The following HAGH variants were observed in gnomAD, a reference collection of about 807,000 sequenced individuals.
The protein encoded by HAGH is hydroxyacylglutathione hydrolase.
In HAGH, 29 loss-of-function variants were observed where a neutral mutation model predicts 35.1. That is an observed-to-expected ratio of 0.83 (90% CI 0.62 to 1.13). The LOEUF (loss-of-function observed/expected upper bound fraction) is 1.13, where lower values mean the gene tolerates loss of function less well. Among genes scored for constraint, HAGH ranks in the 50% most tolerant of loss-of-function variants. The probability of loss-of-function intolerance (pLI) is 0.00; values close to 1 mark genes in which losing one functional copy is unlikely to be tolerated. For synonymous variants in HAGH, 225 were observed against 176.1 expected (o/e 1.28, Z -2.20); for missense variants, 478 against 419.6 (o/e 1.14, Z -1.22).
rs777419294 is a variant in HAGH, at chr16:1,809,774, G to A, written c.807C>T (p.Tyr269=). ...CTCACCTCACTCTCATGAAGGGGTT[G>A]TAGGTAAACTCCTCTGCCAGGGTGG... The part of the protein sequence containing the change: ...VPSTLAEEFT[Y]NPFMRVREKT... The change falls in exon 8 of 9, where the codon TAC becomes TAT. Residue 269 remains tyrosine (Y), a synonymous_variant. Coordinates refer to ENST00000397356, the MANE Select transcript of HAGH (RefSeq NM_005326.6). 2.5e-6 allele frequency: 4 copies of A among 1,613,348 alleles called. No homozygotes were observed. Among genetic ancestry groups the A allele is most frequent in the African/African-American group, 1.3e-5 (1 of 75,036 alleles).
In HAGH at chr16:1,817,022, G is replaced by A. The variant is rs372934950; in HGVS notation, c.646-28C>T. 2,127 of 1,521,492 alleles carry A rather than the reference G, an allele frequency of 1.4e-3. 7 individuals carry two copies. The highest frequency in any genetic ancestry group is 2.4e-3 in the Middle Eastern group (14 of 5,896). 94.2% of individuals were successfully genotyped at this position (1,521,492 alleles called of 1,614,324 possible). On this transcript the variant is annotated intron_variant, in intron 6 of 8. Transcript: ENST00000397356. Reference sequence around the variant, plus strand: ...GAGGAGAGAGGTGACAGGTGAGCTCGGAAGGCTGTTACCACCTGTGAAAGT... The same window carrying A: ...GAGGAGAGAGGTGACAGGTGAGCTCAGAAGGCTGTTACCACCTGTGAAAGT...
In HAGH at chr16:1,819,131, G is replaced by C. The variant is rs1481680303; in HGVS notation, c.525C>G (p.Pro175=). The C allele has an allele frequency of 1.9e-6, 3 of 1,609,520 alleles. No homozygotes were observed. The highest frequency in any genetic ancestry group is 3.3e-5 in the Admixed American group (2 of 60,000). Residue 175 remains proline, a synonymous_variant, in exon 5 of 9, where the codon CCC becomes CCG. Coordinates refer to ENST00000397356, the MANE Select transcript of HAGH (RefSeq NM_005326.6). ...AACACGCACCTGTGAACACGGCAGG[G>C]GGCTCCGAGCCTCCGGGCTTGCTCA... ...YFVSKPGGSE[P]PAVFTGDTLF...
intron 1 of HAGH, 145 bp from the exon 2 acceptor site, chr16:1,823,182 A>C (rs1426638096): frequency 1.4e-6 from 1 of 693,610 alleles, no homozygotes. Flanking sequence ...CGGGAATCCC[A>C]GCGCTTTAAG....
chr16:1,813,388 T>C (rs1413028093), intron 7 of HAGH, among the ~76,000 whole-genome samples: 2 of 152,212 alleles, frequency 1.3e-5, no homozygotes, highest in Admixed American at 6.5e-5. Flanking sequence ...AACCTCCTTT[T>C]ATAAGTCACC....
At chr16:1,809,606 G>A in intron 8 of HAGH, 148 bp downstream of exon 8, 1 of 721,526 alleles carries the variant, frequency 1.4e-6, no homozygotes. Context: ...CCCCCCTCAA[G>A]AAGAGTGCTC....
chr16:1,825,257 G>T (rs776822786), intron 1 of HAGH, among the ~76,000 whole-genome samples: 97 of 152,292 alleles, frequency 6.4e-4, no homozygotes, highest in South Asian at 8.3e-4. Flanking sequence ...GGCAGAGGTT[G>T]CAGTGAGCCG....
chr16:1,809,446 A>G, intron 8 of HAGH, 64 bp from the exon 9 acceptor site: 2 of 1,348,444 alleles, frequency 1.5e-6, no homozygotes, highest in South Asian at 1.2e-5. Context: ...AGCCAGGGCC[A>G]CTGCAGAGGA....
chr16:1,817,286 A>G lies in HAGH; in HGVS notation c.542-15T>C, dbSNP rs375245185. 4 of 1,556,048 alleles carry G rather than the reference A, an allele frequency of 2.6e-6. No individual in the cohort carries two copies. Among genetic ancestry groups the G allele is most frequent in the African/African-American group, 2.7e-5 (2 of 73,874 alleles). ...CAAGGTGTCACCTGGAAACAAGGACAGCCACGAGGTGGGGGCCACTTGAGG... is the reference window on the plus strand; with the variant it reads ...CAAGGTGTCACCTGGAAACAAGGACGGCCACGAGGTGGGGGCCACTTGAGG... On this transcript the variant is annotated splice_polypyrimidine_tract_variant and intron_variant, in intron 5 of 8. Coordinates refer to ENST00000397356, the MANE Select transcript of HAGH (RefSeq NM_005326.6).
chr16:1,817,851 C>A (rs975181516), intron 5 of HAGH, among the ~76,000 whole-genome samples: 27 of 152,356 alleles, frequency 1.8e-4, no homozygotes, highest in African/African-American at 6.3e-4. Context: ...GCTGTCCTGG[C>A]CTCGCTGACC....
At chr16:1,813,014 C>T (rs145906918) in intron 7 of HAGH, among the ~76,000 whole-genome samples, 1 of 152,332 alleles carries the variant, frequency 6.6e-6, no homozygotes, top group African/African-American at 2.4e-5. Flanking sequence ...ACACACCTCC[C>T]GTCCAGCCCG....
chr16:1,826,632 C>G, intron 1 of HAGH, 80 bp downstream of exon 1: 2 of 974,092 alleles, frequency 2.1e-6, no homozygotes, highest in African/African-American at 1.8e-5. Flanking sequence ...TCAGCGGTCG[C>G]CAAACGACGG....
Position 1,820,967 on chromosome 16 carries a change from T to C in HAGH, c.315-953A>G, listed in dbSNP as rs984583516. Among the ~76,000 whole-genome samples, 6 of 152,062 alleles carry C rather than the reference T, an allele frequency of 3.9e-5. 1 individual carries two copies. Among genetic ancestry groups the C allele is most frequent in the Non-Finnish European group, 8.8e-5 (6 of 67,968 alleles). ...GCCGGGGAACTAAAAAGCACCACAG[T>C]GTTAGAAAGAGACGTCTGCGGCGAG... On this transcript the variant is annotated intron_variant, in intron 3 of 8. Coordinates refer to ENST00000397356, the MANE Select transcript of HAGH (RefSeq NM_005326.6).
At chr16:1,819,803 G>A (rs1348077724) in intron 4 of HAGH, 94 bp downstream of exon 4, 1 of 803,276 alleles carries the variant, frequency 1.2e-6, no homozygotes, top group Admixed American at 1.8e-5. Context: ...CCGGGTCACT[G>A]GGGTAAGGGA....
intron 7 of HAGH, among the ~76,000 whole-genome samples, chr16:1,812,912 C>T (rs1010934746): frequency 6.6e-6 from 1 of 152,170 alleles, no homozygotes; most frequent in African/African-American, 2.4e-5. Context: ...CCGAAAGACA[C>T]GGACCAGCTG....
rs1897494500 is a variant in HAGH at position 1,808,584 on chromosome 16, CCACCACGCCCAGCCCTAAATTTCAGA to C, written c.*673_*698del. The C allele has an allele frequency of 1.3e-5, 2 of 149,508 alleles. No homozygotes were observed. Among genetic ancestry groups the C allele is most frequent in the Non-Finnish European group, 3.0e-5 (2 of 67,558 alleles). 9.3% of individuals were successfully genotyped at this position (149,508 alleles called of 1,614,324 possible). A position where few individuals can be genotyped will look rare whatever the true frequency, so the allele number is the denominator to read the frequency against. On this transcript the variant is annotated 3_prime_UTR_variant, in exon 9 of 9. Coordinates refer to ENST00000397356, the MANE Select transcript of HAGH (RefSeq NM_005326.6). ...CAAAGTGCTGGGATCACAGGCTTAGCCACCACGCCCAGCCCTAAATTTCAGATTAGCCTTAGGGGTTGCCTTTGTCC... is the reference window on the plus strand; with the variant it reads ...CAAAGTGCTGGGATCACAGGCTTAGCTTAGCCTTAGGGGTTGCCTTTGTCC...
In HAGH at chr16:1,825,985, G is replaced by C. The variant is rs75475326; in HGVS notation, c.76+727C>G. 5.8e-3 allele frequency among the ~76,000 whole-genome samples: 878 copies of C among 152,360 alleles called. 32 individuals carry two copies. The East Asian group carries it at 0.1, about 18-fold the overall frequency. On this transcript the variant is annotated intron_variant, in intron 1 of 8. Coordinates refer to ENST00000397356, the MANE Select transcript of HAGH (RefSeq NM_005326.6). ...TACGCACGCCCTGCCGATGCACACA[G>C]TCCCGCTGGAACTCTCTGCCTGGAC...
chr16:1,813,794 C>T (rs1009507520), intron 7 of HAGH, among the ~76,000 whole-genome samples: 4 of 152,208 alleles, frequency 2.6e-5, no homozygotes, highest in Non-Finnish European at 5.9e-5. Flanking sequence ...ATACCAGTGC[C>T]AAGACTCAGC....
rs371401447 is a variant in HAGH at position 1,819,260 on chromosome 16, A to G, written c.433-37T>C. On this transcript the variant is annotated intron_variant, in intron 4 of 8. Transcript: ENST00000397356. The stretch of plus-strand genomic sequence containing the variant: ...CAGGCGACCGCGTGTGCTCCCAGAC[A>G]CCCTGGAGAGCCATCTCCCGGGGTC... 1.8e-5 allele frequency: 25 copies of G among 1,358,554 alleles called. No individual in the cohort carries two copies. The African/African-American group carries it at 3.3e-4, about 18-fold the overall frequency. 84.2% of individuals were successfully genotyped at this position (1,358,554 alleles called of 1,614,324 possible).
At chr16:1,820,944 C>G (rs112187327) in intron 3 of HAGH, among the ~76,000 whole-genome samples, 1 of 152,120 alleles carries the variant, frequency 6.6e-6, no homozygotes, top group Non-Finnish European at 1.5e-5. Flanking sequence ...TTAGAGGGGC[C>G]GGGGAACTAA....
Sources: gnomAD v4.1 joint callset for allele counts (sites outside exome capture counted in the v4.1 genomes callset) on GRCh38, gnomAD v4.1.1 for gene constraint, MANE v1.5 for transcripts, NCBI Gene and HGNC (gene_info 2026-07-23, HGNC 2026-07-21) for gene names.